Variants in PPP2R2B observed in about 807,000 individuals in gnomAD.
PPP2R2B encodes protein phosphatase 2 regulatory subunit Bbeta.
In PPP2R2B, 5 loss-of-function variants were observed where a neutral mutation model predicts 46.0. The observed-to-expected ratio is 0.11, with a 90% CI of 0.06 to 0.23. PPP2R2B has a LOEUF of 0.23. Ranked by LOEUF, PPP2R2B falls within the 10% of genes least tolerant of loss-of-function variation. PPP2R2B has a pLI of 1.00. For synonymous variants in PPP2R2B, 215 were observed against 206.7 expected, an observed-to-expected ratio of 1.04 and a Z score of -0.34; for missense variants, 367 against 575.0, an observed-to-expected ratio of 0.64 and a Z score of 3.70.
chr5:146,772,187 T>C (rs1370987661), intron 2 of PPP2R2B, among the ~76,000 whole-genome samples: 3 of 151,980 alleles, frequency 2.0e-5, no homozygotes, highest in African/African-American at 7.3e-5. Context: ...CTATTGCTGA[T>C]CATAAAAGCA....
chr5:146,727,638 ACACAACTG>A (rs1413431156), intron 2 of PPP2R2B, among the ~76,000 whole-genome samples: 2 of 152,168 alleles, frequency 1.3e-5, no homozygotes, highest in African/African-American at 4.8e-5. Context: ...GATCCATGGA[ACACAACTG>A]CACTTGTACC....
At chr5:147,035,571 G>A (rs1485666593) in intron 1 of PPP2R2B, among the ~76,000 whole-genome samples, 1 of 152,150 alleles carries the variant, frequency 6.6e-6, no homozygotes. Context: ...GACTGACTTT[G>A]CTTGACCATT....
chr5:146,787,693 G>T (rs1359796882), intron 2 of PPP2R2B, among the ~76,000 whole-genome samples: 1 of 152,018 alleles, frequency 6.6e-6, no homozygotes, highest in African/African-American at 2.4e-5. Flanking sequence ...TCAGCCTCCT[G>T]AGTACCTGGG....
At chr5:146,942,935 C>T (rs1328554278) in intron 1 of PPP2R2B, among the ~76,000 whole-genome samples, 1 of 151,948 alleles carries the variant, frequency 6.6e-6, no homozygotes, top group Non-Finnish European at 1.5e-5. Flanking sequence ...GTAGCTGGGA[C>T]TACAGGTGCC....
In PPP2R2B at chr5:146,857,877, G is replaced by C. The variant is rs1377421840; in HGVS notation, c.70+20125C>G. 2.0e-5 allele frequency among the ~76,000 whole-genome samples: 3 copies of C among 152,106 alleles called. No homozygotes were observed. The East Asian group carries it at 5.8e-4, about 29-fold the overall frequency. The stretch of plus-strand genomic sequence containing the variant: ...TAACTTTGTATTTTTAGTAGAGACA[G>C]GGTTTCTCCATGTTGGTCAGGCTGG... On this transcript the variant is annotated intron_variant, in intron 2 of 9. Transcript: ENST00000394411.
At chr5:146,972,283 G>A (rs1752693636) in intron 1 of PPP2R2B, among the ~76,000 whole-genome samples, 1 of 152,180 alleles carries the variant, frequency 6.6e-6, no homozygotes, top group Admixed American at 6.5e-5. Context: ...TTATCAACAT[G>A]ACTTATCACT....
intron 2 of PPP2R2B, among the ~76,000 whole-genome samples, chr5:146,820,350 T>A (rs1047415730): frequency 6.6e-6 from 1 of 152,132 alleles, no homozygotes; most frequent in Non-Finnish European, 1.5e-5. Flanking sequence ...CATTAAAAAA[T>A]TTTAAACACA....
At chr5:146,707,298 G>A (rs1581920950) in intron 2 of PPP2R2B, 20 of 1,416,098 alleles carry the variant, frequency 1.4e-5, no homozygotes, top group Non-Finnish European at 1.8e-5. Flanking sequence ...CCTTGTCGAC[G>A]AAGGAGGCAA....
chr5:146,856,202 C>T (rs765861098), intron 2 of PPP2R2B, among the ~76,000 whole-genome samples: 4 of 152,220 alleles, frequency 2.6e-5, no homozygotes, highest in South Asian at 2.1e-4. Flanking sequence ...CTTGTTTAGC[C>T]AACACTCTCT....
At chr5:147,054,789 C>A in intron 1 of PPP2R2B, 1 of 431,658 alleles carries the variant, frequency 2.3e-6, no homozygotes, top group Non-Finnish European at 4.7e-6. Context: ...TCAAATGCCA[C>A]TAGTAGGACA....
At chr5:146,922,909 G>C (rs761780330) in intron 1 of PPP2R2B, among the ~76,000 whole-genome samples, 17 of 152,154 alleles carry the variant, frequency 1.1e-4, no homozygotes, top group Non-Finnish European at 1.6e-4. Flanking sequence ...CCCTGTTGGA[G>C]ATTCATGTAG....
chr5:146,831,496 CTCAAAAAA>C (rs1758933548), intron 2 of PPP2R2B, among the ~76,000 whole-genome samples: 1 of 58,238 alleles, frequency 1.7e-5, no homozygotes, highest in African/African-American at 7.3e-5. Flanking sequence ...GACTCCATCT[CTCAAAAAA>C]AAAAAAAAAA....
chr5:147,066,437 C>A (rs1757416735), intron 2 of PPP2R2B, among the ~76,000 whole-genome samples: 1 of 152,116 alleles, frequency 6.6e-6, no homozygotes, highest in Non-Finnish European at 1.5e-5. Flanking sequence ...GGCACAGATA[C>A]ATTAAATGCC....
chr5:146,758,461 A>G (rs1452835249), intron 2 of PPP2R2B, among the ~76,000 whole-genome samples: 1 of 152,218 alleles, frequency 6.6e-6, no homozygotes, highest in Non-Finnish European at 1.5e-5. Flanking sequence ...AATTAATAAA[A>G]TACAAATACG....
chr5:146,949,774 A>G (rs1359539905), intron 1 of PPP2R2B, among the ~76,000 whole-genome samples: 1 of 152,102 alleles, frequency 6.6e-6, no homozygotes, highest in Non-Finnish European at 1.5e-5. Context: ...AGTGTCCATC[A>G]ACAGATGAAT....
intron 1 of PPP2R2B, among the ~76,000 whole-genome samples, chr5:146,995,270 G>A (rs980033062): frequency 7.2e-5 from 11 of 152,192 alleles, no homozygotes; most frequent in Admixed American, 3.3e-4. Flanking sequence ...AGCAGTGCCT[G>A]CCTTTTTAAA....
intron 5 of PPP2R2B, 69 bp downstream of exon 5, chr5:146,691,059 A>G: frequency 1.4e-6 from 2 of 1,384,460 alleles, no homozygotes; most frequent in Admixed American, 1.8e-5. Context: ...TACAGTAACA[A>G]CCAGCACATG....
At chr5:146,634,763 T>TAC (rs57882196) in intron 7 of PPP2R2B, among the ~76,000 whole-genome samples, 4,082 of 149,546 alleles carry the variant, frequency 0.027, 77 homozygotes, top group Middle Eastern at 0.041. Context: ...TCTCTTAACT[T>TAC]ACACACACAC....
At chr5:146,791,468 A>G (rs969456576) in intron 2 of PPP2R2B, among the ~76,000 whole-genome samples, 32 of 152,070 alleles carry the variant, frequency 2.1e-4, no homozygotes, top group African/African-American at 7.5e-4. Flanking sequence ...TAATCGGCAT[A>G]TTCCCTGCCC....
Sources: allele counts gnomAD v4.1 joint callset (sites outside exome capture counted in the v4.1 genomes callset), GRCh38; gene constraint gnomAD v4.1.1; transcripts MANE v1.5; gene names NCBI Gene and HGNC (gene_info 2026-07-23, HGNC 2026-07-21).